Variants in NTSR1 observed in about 807,000 individuals in gnomAD.
NTSR1 encodes the protein neurotensin receptor 1, also known as neurotensin receptor type 1.
NTSR1 carries 29 observed loss-of-function variants against 31.2 expected under a neutral mutation model. The ratio of observed to expected loss-of-function variants is 0.93; its 90% CI spans 0.69 to 1.27. NTSR1 has a LOEUF of 1.27. NTSR1 is among the 50% of genes most tolerant of loss of function. The probability of loss-of-function intolerance (pLI) is 0.00; values close to 1 mark genes in which losing one functional copy is unlikely to be tolerated. For missense variants in NTSR1, 697 were observed against 595.4 expected (o/e 1.17, Z -1.78); for synonymous variants, 282 against 269.9 (o/e 1.04, Z -0.44).
rs1285964904 is a variant in NTSR1 at position 62,733,966 on chromosome 20, T to C, written c.715-20719T>C. 6.6e-6 allele frequency among the ~76,000 whole-genome samples: 1 copy of C among 152,120 alleles called. No individual in the cohort carries two copies. The highest frequency in any genetic ancestry group is 1.9e-4 in the East Asian group (1 of 5,190). Reference sequence around the variant, plus strand: ...CCAGGCAGGGTCGCATTTTAAATGATGGTTTTGGGTGCTGAGCCAGCCCAG... The same window carrying C: ...CCAGGCAGGGTCGCATTTTAAATGACGGTTTTGGGTGCTGAGCCAGCCCAG... On this transcript the variant is annotated intron_variant, in intron 1 of 3. Transcript: ENST00000370501. This position sits in a 1 kb window ranked among gnomAD's most constrained non-coding sequence, Gnocchi z 5.2.
At chr20:62,737,561 C>T (rs867758560) in intron 1 of NTSR1, among the ~76,000 whole-genome samples, 4 of 152,128 alleles carry the variant, frequency 2.6e-5, no homozygotes, top group South Asian at 2.1e-4. Context: ...TGCACTTAAA[C>T]GAGCCCTCTG....
At chr20:62,759,720 A>G (rs1192294886) in intron 3 of NTSR1, among the ~76,000 whole-genome samples, 2 of 148,684 alleles carry the variant, frequency 1.3e-5, no homozygotes, top group East Asian at 2.0e-4. Context: ...GCTTGCAGTG[A>G]GCCGAGATCG....
At chr20:62,750,849 T>C (rs990633431) in intron 1 of NTSR1, among the ~76,000 whole-genome samples, 1 of 152,164 alleles carries the variant, frequency 6.6e-6, no homozygotes, top group African/African-American at 2.4e-5. Context: ...TATACATAGA[T>C]GACAACATCA....
chr20:62,712,167 C>T (rs1173513376), intron 1 of NTSR1, among the ~76,000 whole-genome samples: 6 of 152,226 alleles, frequency 3.9e-5, no homozygotes, highest in South Asian at 2.1e-4. Flanking sequence ...ACCCCTGCCC[C>T]GCCATTTGCC....
intron 1 of NTSR1, among the ~76,000 whole-genome samples, chr20:62,735,717 C>T (rs918143014): frequency 2.0e-5 from 3 of 152,204 alleles, no homozygotes; most frequent in African/African-American, 4.8e-5. Flanking sequence ...CCCCCCGACA[C>T]GGCGAGGTGA....
At chr20:62,718,023 G>C (rs1337164381) in intron 1 of NTSR1, among the ~76,000 whole-genome samples, 1 of 152,132 alleles carries the variant, frequency 6.6e-6, no homozygotes, top group Non-Finnish European at 1.5e-5. Context: ...ATGCCAGGTA[G>C]GGGAACAGCA....
rs894427922 is a variant in NTSR1 at position 62,743,847 on chromosome 20, G to C, written c.715-10838G>C. ...GCCTGAGGTCGAGGGGCTGAGGCCGGCTGTCTGGAGCCTGTGTCGGGGGCA... is the reference window on the plus strand; with the variant it reads ...GCCTGAGGTCGAGGGGCTGAGGCCGCCTGTCTGGAGCCTGTGTCGGGGGCA... On this transcript the variant is annotated intron_variant, in intron 1 of 3. Transcript: ENST00000370501. The surrounding 1 kb of genome is among the most constrained non-coding windows in gnomAD (Gnocchi z 7.5). Among the ~76,000 whole-genome samples the C allele has an allele frequency of 1.2e-4, 19 of 152,170 alleles. No homozygotes were observed. The highest frequency in any genetic ancestry group is 4.6e-4 in the African/African-American group (19 of 41,422).
In NTSR1 at chr20:62,711,357, C is replaced by A. The variant is rs867211086; in HGVS notation, c.714+1436C>A. Among the ~76,000 whole-genome samples the A allele has an allele frequency of 7.2e-5, 11 of 152,178 alleles. No individual in the cohort carries two copies. Among genetic ancestry groups the A allele is most frequent in the African/African-American group, 2.7e-4 (11 of 41,440 alleles). ...GGGTAAACACAGTGAGAAATGACCT[C>A]TCCCTCCCTTTGAGGCTTTATCTGC... On this transcript the variant is annotated intron_variant, in intron 1 of 3. Coordinates refer to ENST00000370501, the MANE Select transcript of NTSR1 (RefSeq NM_002531.3). This position sits in a 1 kb window ranked among gnomAD's most constrained non-coding sequence, Gnocchi z 6.4.
chr20:62,737,678 C>T (rs1188861165), intron 1 of NTSR1, among the ~76,000 whole-genome samples: 1 of 152,092 alleles, frequency 6.6e-6, no homozygotes, highest in Non-Finnish European at 1.5e-5. Context: ...CACATCTGCC[C>T]ATCGCCAGGT....
At position 62,741,144 on chromosome 20, in the gene NTSR1, AC is replaced by A. The variant is rs775638539; in HGVS notation, c.715-13540del. Among the ~76,000 whole-genome samples the A allele has an allele frequency of 5.3e-5, 8 of 152,210 alleles. No homozygotes were observed. The highest frequency in any genetic ancestry group is 2.1e-4 in the South Asian group (1 of 4,820). ...TCAGGAAGGCTCTTTCCCTAATCTG[AC>A]TAAGGCCCTCTGGGCTAAGTCAGGG... On this transcript the variant is annotated intron_variant, in intron 1 of 3. Transcript: ENST00000370501. The surrounding 1 kb of genome is among the most constrained non-coding windows in gnomAD (Gnocchi z 4.3).
At chr20:62,729,258 G>C (rs192309502) in intron 1 of NTSR1, among the ~76,000 whole-genome samples, 2 of 152,350 alleles carry the variant, frequency 1.3e-5, no homozygotes, top group Admixed American at 6.5e-5. Context: ...AGGGCAGGGT[G>C]GGGAGAGAGT....
chr20:62,738,748 G>C (rs1989150592), intron 1 of NTSR1, among the ~76,000 whole-genome samples: 1 of 152,354 alleles, frequency 6.6e-6, no homozygotes, highest in East Asian at 1.9e-4. Context: ...GGCTCACGCT[G>C]GTCCTCGAGG....
At position 62,760,452 on chromosome 20, in the gene NTSR1, C is replaced by T; in HGVS notation, c.*185C>T. The T allele has an allele frequency of 1.7e-6, 1 of 584,268 alleles. No homozygotes were observed. The highest frequency in any genetic ancestry group is 2.9e-6 in the Non-Finnish European group (1 of 344,140). 36.2% of individuals were successfully genotyped at this position (584,268 alleles called of 1,614,324 possible). A position where few individuals can be genotyped will look rare whatever the true frequency, so the allele number is the denominator to read the frequency against. The stretch of plus-strand genomic sequence containing the variant: ...ATGTTTCTCATTAGTGTCTCCCGGG[C>T]CTGTCCCCAACTCCTCCCCACCCCT... On this transcript the variant is annotated 3_prime_UTR_variant, in exon 4 of 4. Transcript: ENST00000370501.
chr20:62,758,368 G>C lies in NTSR1; in HGVS notation c.1007+12G>C, dbSNP rs1312803700. 6.2e-7 allele frequency: 1 copy of C among 1,611,986 alleles called. No individual in the cohort carries two copies. On this transcript the variant is annotated intron_variant, in intron 3 of 3. Transcript: ENST00000370501. The surrounding 1 kb of genome is among the most constrained non-coding windows in gnomAD (Gnocchi z 4.5). ...GAGCAGTGGACTCCGTGAGTACCGG[G>C]AACCAGGAAGTTGGGTGCTGGACAA... is the stretch of plus-strand genomic sequence containing the variant.
Position 62,732,444 on chromosome 20 carries a change from G to GT in NTSR1, c.715-22238dup, listed in dbSNP as rs1202724035. Reference sequence around the variant, plus strand: ...TTGCCATGATGGATTTCGATAATCTGTTTCCGAACCCTGGAGCAGCCTCGC... The same window carrying GT: ...TTGCCATGATGGATTTCGATAATCTGTTTTCCGAACCCTGGAGCAGCCTCGC... On this transcript the variant is annotated intron_variant, in intron 1 of 3. Coordinates refer to ENST00000370501, the MANE Select transcript of NTSR1 (RefSeq NM_002531.3). This position sits in a 1 kb window ranked among gnomAD's most constrained non-coding sequence, Gnocchi z 4.0. 1 of 152,204 alleles carries GT rather than the reference G, an allele frequency of 6.6e-6. No individual in the cohort carries two copies. The highest frequency in any genetic ancestry group is 6.5e-5 in the Admixed American group (1 of 15,280). 9.4% of individuals were successfully genotyped at this position (152,204 alleles called of 1,614,324 possible).
chr20:62,713,540 C>T (rs1310417953), intron 1 of NTSR1, among the ~76,000 whole-genome samples: 1 of 152,228 alleles, frequency 6.6e-6, no homozygotes, highest in Non-Finnish European at 1.5e-5. Flanking sequence ...TCCCGTGCCC[C>T]AGGCTGTGCC....
chr20:62,753,629 C>T (rs778485447), intron 1 of NTSR1, among the ~76,000 whole-genome samples: 3 of 152,228 alleles, frequency 2.0e-5, no homozygotes, highest in Non-Finnish European at 4.4e-5. Context: ...GGATCGAACC[C>T]GCAAGTGTGG....
At position 62,713,816 on chromosome 20, in the gene NTSR1, A is replaced by G. The variant is rs1988662858; in HGVS notation, c.714+3895A>G. Among the ~76,000 whole-genome samples the G allele has an allele frequency of 2.0e-5, 3 of 152,188 alleles. No individual in the cohort carries two copies. In the South Asian group the frequency reaches 6.2e-4, roughly 31 times the overall value. ...ACTTTTTCAAGTTAGAAAGTTGCAG[A>G]AGGCCGGGCGTGGTGGCTCACACCT... is the stretch of plus-strand genomic sequence containing the variant. On this transcript the variant is annotated intron_variant, in intron 1 of 3. Transcript: ENST00000370501.
In NTSR1 at chr20:62,745,688, C is replaced by T. The variant is rs1334389940; in HGVS notation, c.715-8997C>T. 1.3e-5 allele frequency among the ~76,000 whole-genome samples: 2 copies of T among 152,248 alleles called. No homozygotes were observed. Among genetic ancestry groups the T allele is most frequent in the African/African-American group, 2.4e-5 (1 of 41,462 alleles). ...ACAGACAGAGACACATATTCTGCCT[C>T]GCCTCCAAATCCAGCTTGGCGTGGA... On this transcript the variant is annotated intron_variant, in intron 1 of 3. Transcript: ENST00000370501. This position sits in a 1 kb window ranked among gnomAD's most constrained non-coding sequence, Gnocchi z 4.1.
Sources: gnomAD v4.1 joint callset for allele counts (sites outside exome capture counted in the v4.1 genomes callset) on GRCh38, gnomAD v4.1.1 for gene constraint, Gnocchi (gnomAD v3.1) non-coding constraint, MANE v1.5 for transcripts, NCBI Gene and HGNC (gene_info 2026-07-23, HGNC 2026-07-21) for gene names.